STS: variants seen among roughly 807,000 people sequenced by gnomAD.
The protein encoded by STS is steroid sulfatase.
A neutral mutation model predicts 26.8 loss-of-function variants in STS; 7 were observed. The ratio of observed to expected loss-of-function variants is 0.26; its 90% CI spans 0.15 to 0.49. The LOEUF (loss-of-function observed/expected upper bound fraction) is 0.49. STS is among the 20% of genes least tolerant of loss of function. The probability of loss-of-function intolerance (pLI) is 0.98; values close to 1 mark genes in which losing one functional copy is unlikely to be tolerated. For synonymous variants in STS, 199 were observed against 189.4 expected, an observed-to-expected ratio of 1.05 and a Z score of -0.42; for missense variants, 434 against 465.6, an observed-to-expected ratio of 0.93 and a Z score of 0.63.
rs769097559 is a variant in STS at position 7,220,543 on chromosome X, ATT to A, written c.-5+29557_-5+29558del. 2.2e-3 allele frequency among the ~76,000 whole-genome samples: 146 copies of A among 64,938 alleles called. 1 individual carries two copies. The highest frequency in any genetic ancestry group is 9.6e-3 in the Middle Eastern group (1 of 104). 56.4% of individuals were successfully genotyped at this position (64,938 alleles called of 115,157 possible). A position where few individuals can be genotyped will look rare whatever the true frequency, so the allele number is the denominator to read the frequency against. On this transcript the variant is annotated intron_variant, in intron 2 of 10. Transcript: ENST00000674429. ...ATTCCTAAGAAATCCTGGATGTCAG[ATT>A]TTTTTTTTTTTTTTTTTTTTTGAGA...
At position 7,152,248 on chromosome X, in the gene STS, G is replaced by A. The variant is rs191652970; in HGVS notation, c.-134+4165G>A. On this transcript the variant is annotated intron_variant, in intron 1 of 10. Transcript: ENST00000674429. The stretch of plus-strand genomic sequence containing the variant: ...ATTACAGGCGTGAGCCACCACGCCC[G>A]GCCAGGATTATTATTTTAATGTAAA... Among the ~76,000 whole-genome samples the A allele has an allele frequency of 1.1e-3, 119 of 111,750 alleles. 1 individual carries two copies. Among genetic ancestry groups the A allele is most frequent in the Non-Finnish European group, 1.8e-3 (93 of 53,095 alleles).
chrX:7,162,942 G>A (rs1233361565), intron 1 of STS, among the ~76,000 whole-genome samples: 2 of 104,409 alleles, frequency 1.9e-5, no homozygotes, highest in African/African-American at 7.0e-5. Context: ...CTGTAATCTC[G>A]GCTACTCAGG....
intron 7 of STS, among the ~76,000 whole-genome samples, chrX:7,278,298 T>C (rs1183929315): frequency 8.9e-6 from 1 of 112,172 alleles, no homozygotes; most frequent in Non-Finnish European, 1.9e-5. Flanking sequence ...GACGGGACTG[T>C]TGGATTCTGA....
chrX:7,243,326 C>T, intron 2 of STS, among the ~76,000 whole-genome samples: 1 of 112,428 alleles, frequency 8.9e-6, no homozygotes, highest in Non-Finnish European at 1.9e-5. Context: ...GCCTCCCAAA[C>T]TGCTGGGATT....
chrX:7,328,484 A>G (rs1927584724), intron 9 of STS, among the ~76,000 whole-genome samples: 1 of 110,727 alleles, frequency 9.0e-6, no homozygotes, highest in African/African-American at 3.3e-5. Flanking sequence ...CAGTAGAACC[A>G]ACTCTCAATA....
At chrX:7,182,681 A>G (rs1213831335) in intron 1 of STS, among the ~76,000 whole-genome samples, 3 of 111,052 alleles carry the variant, frequency 2.7e-5, no homozygotes, top group African/African-American at 9.8e-5. Context: ...ATTCTCAGAT[A>G]TGACAAAAGA....
At chrX:7,346,050 G>A (rs762932111) in intron 10 of STS, among the ~76,000 whole-genome samples, 2 of 110,776 alleles carry the variant, frequency 1.8e-5, no homozygotes, top group South Asian at 3.9e-4. Context: ...GCAATCCCAG[G>A]GAACCCAGAT....
intron 2 of STS, among the ~76,000 whole-genome samples, chrX:7,224,317 C>A (rs142956496): frequency 0.019 from 2,062 of 111,192 alleles, 41 homozygotes; most frequent in African/African-American, 0.063. Flanking sequence ...AGGGTTAGTC[C>A]CTCCTCATAC....
chrX:7,160,290 C>A (rs1403371374), intron 1 of STS, among the ~76,000 whole-genome samples: 3 of 112,223 alleles, frequency 2.7e-5, no homozygotes, highest in Non-Finnish European at 5.6e-5. Flanking sequence ...GTTTTAAATT[C>A]TCTTCTGTGG....
chrX:7,326,684 T>C (rs1927490892), intron 9 of STS, among the ~76,000 whole-genome samples: 1 of 112,558 alleles, frequency 8.9e-6, no homozygotes, highest in African/African-American at 3.2e-5. Context: ...TGAAGCACAC[T>C]GATTAATTGT....
chrX:7,229,193 T>C (rs1921946691), intron 2 of STS, among the ~76,000 whole-genome samples: 1 of 112,355 alleles, frequency 8.9e-6, no homozygotes, highest in Non-Finnish European at 1.9e-5. Context: ...GTCAGTCATA[T>C]TTTCGCCTAG....
At chrX:7,257,822 G>T (rs369187566) in intron 5 of STS, among the ~76,000 whole-genome samples, 63 of 88,793 alleles carry the variant, frequency 7.1e-4, no homozygotes, top group Non-Finnish European at 3.1e-4. Flanking sequence ...TGTGTGTGTT[G>T]TGTGTTTGTG....
At chrX:7,276,180 C>A (rs1924528224) in intron 7 of STS, 93 bp downstream of exon 7, 2 of 1,076,201 alleles carry the variant, frequency 1.9e-6, no homozygotes, top group African/African-American at 1.8e-5. Context: ...GTTCCTGATG[C>A]CTTTAGAGAC....
chrX:7,263,816 T>G (rs761674463), intron 6 of STS, among the ~76,000 whole-genome samples: 36 of 91,255 alleles, frequency 3.9e-4, no homozygotes, highest in Non-Finnish European at 7.0e-4. Flanking sequence ...TGTGTGTGTG[T>G]TTGTGTATAT....
At chrX:7,279,307 ATATATG>A (rs1382005836) in intron 7 of STS, among the ~76,000 whole-genome samples, 3 of 67,028 alleles carry the variant, frequency 4.5e-5, no homozygotes, top group African/African-American at 1.7e-4. Flanking sequence ...ATATATATAT[ATATATG>A]TGTGTGTGTG....
chrX:7,336,731 T>C (rs748659877), intron 10 of STS, among the ~76,000 whole-genome samples: 3 of 112,272 alleles, frequency 2.7e-5, no homozygotes, highest in Non-Finnish European at 3.8e-5. Context: ...GCAAGAAATG[T>C]GAAGAACAAA....
intron 1 of STS, among the ~76,000 whole-genome samples, chrX:7,156,869 G>C (rs1933146520): frequency 8.9e-6 from 1 of 111,773 alleles, no homozygotes; most frequent in Non-Finnish European, 1.9e-5. Flanking sequence ...AGGAATTCTG[G>C]GGTTTTCCAC....
chrX:7,192,243 C>G (rs1429092357), intron 2 of STS, among the ~76,000 whole-genome samples: 4 of 111,957 alleles, frequency 3.6e-5, no homozygotes, highest in Non-Finnish European at 7.5e-5. Flanking sequence ...TCACCTCTTC[C>G]TGCCTTAGTT....
chrX:7,186,838 G>A (rs1481412121), intron 1 of STS, among the ~76,000 whole-genome samples: 1 of 111,931 alleles, frequency 8.9e-6, no homozygotes, highest in Non-Finnish European at 1.9e-5. Flanking sequence ...ACTCTGAGGT[G>A]CTCAGGAGAT....
Sources: gnomAD v4.1 joint callset for allele counts (sites outside exome capture counted in the v4.1 genomes callset) on GRCh38, gnomAD v4.1.1 for gene constraint, MANE v1.5 for transcripts, NCBI Gene and HGNC (gene_info 2026-07-23, HGNC 2026-07-21) for gene names.